RAB18: variants seen among roughly 807,000 people sequenced by gnomAD.
The protein encoded by RAB18 is ras-related protein Rab-18.
In RAB18, 10 loss-of-function variants were observed where a neutral mutation model predicts 28.5. The observed-to-expected ratio is 0.35, with a 90% confidence interval of 0.22 to 0.60. RAB18 has a LOEUF of 0.60. RAB18 is among the 20% of genes least tolerant of loss of function. The pLI is 0.78. For missense variants in RAB18, 188 were observed against 244.2 expected, an observed-to-expected ratio of 0.77 and a Z score of 1.53; for synonymous variants, 93 against 86.9, an observed-to-expected ratio of 1.07 and a Z score of -0.39.
intron 2 of RAB18, among the ~76,000 whole-genome samples, chr10:27,524,284 C>T (rs539927543): frequency 2.6e-5 from 4 of 152,172 alleles, no homozygotes; most frequent in Admixed American, 2.6e-4. Flanking sequence ...CTCATGTCTA[C>T]TTTTTGAACA....
intron 1 of RAB18, chr10:27,504,875 T>G (rs1010437840): frequency 4.2e-6 from 2 of 480,980 alleles, no homozygotes; most frequent in African/African-American, 2.0e-5. Context: ...CTGTGGGGCC[T>G]TCTCTAAATA....
rs770276006 is a variant in RAB18, at chr10:27,504,329, A to G, written c.-41A>G. The G allele has an allele frequency of 5.5e-5, 85 of 1,554,994 alleles. No homozygotes were observed. The highest frequency in any genetic ancestry group is 7.0e-5 in the Non-Finnish European group (81 of 1,149,552). ...ACTCTGCTGAAGGGCTGAGAGGCGC[A>G]CCCGGGCGGCCAGCTGGGCTCGGAG... On this transcript the variant is annotated 5_prime_UTR_variant, in exon 1 of 7. Transcript: ENST00000356940.
chr10:27,538,897 C>T lies in RAB18; in HGVS notation c.*846C>T, dbSNP rs745956111. 1 of 453,676 alleles carries T rather than the reference C, an allele frequency of 2.2e-6. No homozygotes were observed. The highest frequency in any genetic ancestry group is 2.4e-5 in the Admixed American group (1 of 42,542). 28.1% of individuals were successfully genotyped at this position (453,676 alleles called of 1,614,324 possible). A position where few individuals can be genotyped will look rare whatever the true frequency, so the allele number is the denominator to read the frequency against. ...ATGTTGGTAGTGTTTGTCCAGGTAC[C>T]TTAACTGTAGCTTGTGTAATGTTGA... On this transcript the variant is annotated 3_prime_UTR_variant, in exon 7 of 7. Coordinates refer to ENST00000356940, the MANE Select transcript of RAB18 (RefSeq NM_021252.5).
Position 27,541,293 on chromosome 10 carries a change from C to G in RAB18, c.*3242C>G, listed in dbSNP as rs1043824501. The G allele has an allele frequency of 2.2e-6, 1 of 453,708 alleles. No homozygotes were observed. The highest frequency in any genetic ancestry group is 1.6e-5 in the South Asian group (1 of 64,428). The allele number at this position is 453,708 out of a possible 1,614,324, so 28.1% of individuals were successfully genotyped here. A position where few individuals can be genotyped will look rare whatever the true frequency, so the allele number is the denominator to read the frequency against. ...AAAGACGAGAATAAATAGACATAGA[C>G]AGGCTAGCTAAGTCAAGACTAGGGG... On this transcript the variant is annotated 3_prime_UTR_variant, in exon 7 of 7. Coordinates refer to ENST00000356940, the MANE Select transcript of RAB18 (RefSeq NM_021252.5).
At chr10:27,505,690 G>T (rs1837810783) in intron 1 of RAB18, among the ~76,000 whole-genome samples, 1 of 152,144 alleles carries the variant, frequency 6.6e-6, no homozygotes, top group Admixed American at 6.5e-5. Context: ...CTCCCGAGTA[G>T]CTGGGACTAC....
In RAB18 at chr10:27,510,658, A is replaced by G. The variant is rs969524638; in HGVS notation, c.124+728A>G. Among the ~76,000 whole-genome samples, 18 of 152,226 alleles carry G rather than the reference A, an allele frequency of 1.2e-4. 1 individual carries two copies. Among genetic ancestry groups the G allele is most frequent in the African/African-American group, 3.9e-4 (16 of 41,444 alleles). On this transcript the variant is annotated intron_variant, in intron 2 of 6. Coordinates refer to ENST00000356940, the MANE Select transcript of RAB18 (RefSeq NM_021252.5). Reference sequence around the variant, plus strand: ...CTTGGTTGACTTTGCCTTGAATTACATGTAATCTTGATGAAGTCACTTAAC... The same window carrying G: ...CTTGGTTGACTTTGCCTTGAATTACGTGTAATCTTGATGAAGTCACTTAAC...
intron 2 of RAB18, among the ~76,000 whole-genome samples, chr10:27,511,894 T>G (rs1167220824): frequency 6.6e-6 from 1 of 152,212 alleles, no homozygotes; most frequent in Non-Finnish European, 1.5e-5. Flanking sequence ...AAATGGGGAT[T>G]TTTTTAAAAT....
Position 27,533,758 on chromosome 10 carries a change from A to G in RAB18, c.283A>G (p.Thr95Ala). 1 of 1,613,612 alleles carries G rather than the reference A, an allele frequency of 6.2e-7. No homozygotes were observed. Among genetic ancestry groups the G allele is most frequent in the Non-Finnish European group, 8.5e-7 (1 of 1,179,706 alleles). ...AGTTTATGATGTCACAAGAAGAGAT[A>G]CATTTGTTAAACTGGATAATTGGTT... ...ILVYDVTRRD[T>A]FVKLDNWLNE... The change falls in exon 5 of 7, where the codon ACA becomes GCA. Residue 95 changes from threonine (T) to alanine (A), a missense_variant. Transcript: ENST00000356940.
At position 27,537,950 on chromosome 10, in the gene RAB18, G is replaced by A. The variant is rs1274475792; in HGVS notation, c.520G>A (p.Gly174Arg). 1.2e-6 allele frequency: 2 copies of A among 1,614,042 alleles called. No individual in the cohort carries two copies. Among genetic ancestry groups the A allele is most frequent in the South Asian group, 2.2e-5 (2 of 91,066 alleles). ...ELVEKIIQTP[G>R]LWESENQNKG... ...TGTTGAAAAGATCATTCAGACCCCT[G>A]GACTGTGGGAAAGTGAGAACCAGAA... The change falls in exon 7 of 7, where the codon GGA (glycine) becomes AGA (arginine). Residue 174 changes from glycine to arginine, a missense_variant. By Grantham distance (125) the Gly-to-Arg change is moderately radical. Coordinates refer to ENST00000356940, the MANE Select transcript of RAB18 (RefSeq NM_021252.5).
chr10:27,518,561 A>G (rs1206319506), intron 2 of RAB18, among the ~76,000 whole-genome samples: 1 of 152,106 alleles, frequency 6.6e-6, no homozygotes, highest in Non-Finnish European at 1.5e-5. Flanking sequence ...GGCTGTATAT[A>G]TGTATTTTTT....
intron 2 of RAB18, among the ~76,000 whole-genome samples, chr10:27,523,836 T>C (rs1589576417): frequency 6.6e-6 from 1 of 152,040 alleles, no homozygotes; most frequent in Admixed American, 6.6e-5. Flanking sequence ...TCGCAGCACT[T>C]TGGGAGGCCG....
In RAB18 at chr10:27,539,497, G is replaced by A. The variant is rs1268394204; in HGVS notation, c.*1446G>A. On this transcript the variant is annotated 3_prime_UTR_variant, in exon 7 of 7. Coordinates refer to ENST00000356940, the MANE Select transcript of RAB18 (RefSeq NM_021252.5). Reference sequence around the variant, plus strand: ...CACTTCCTAGTCTACATTACATGTGGTTGAAGGTTTTATACATTCTATATG... The same window carrying A: ...CACTTCCTAGTCTACATTACATGTGATTGAAGGTTTTATACATTCTATATG... 1 of 343,726 alleles carries A rather than the reference G, an allele frequency of 2.9e-6. No homozygotes were observed. The highest frequency in any genetic ancestry group is 2.4e-5 in the South Asian group (1 of 41,244). The allele number at this position is 343,726 out of a possible 1,614,324, so 21.3% of individuals were successfully genotyped here.
chr10:27,504,944 G>T (rs559178766), intron 1 of RAB18: 7 of 531,252 alleles, frequency 1.3e-5, no homozygotes, highest in South Asian at 7.0e-5. Flanking sequence ...CTGTTTGGGC[G>T]CAGCTTAATG....
At chr10:27,524,349 A>G (rs770838244) in intron 2 of RAB18, among the ~76,000 whole-genome samples, 2 of 152,022 alleles carry the variant, frequency 1.3e-5, no homozygotes, top group Non-Finnish European at 2.9e-5. Context: ...CTATTGATTG[A>G]TTTTTCTCCT....
At chr10:27,525,252 A>G (rs1834648434) in intron 2 of RAB18, among the ~76,000 whole-genome samples, 1 of 152,174 alleles carries the variant, frequency 6.6e-6, no homozygotes, top group Non-Finnish European at 1.5e-5. Flanking sequence ...ATCTGGGATT[A>G]TTAAGGAAAA....
intron 6 of RAB18, among the ~76,000 whole-genome samples, chr10:27,536,779 T>G (rs1834908827): frequency 6.6e-6 from 1 of 152,180 alleles, no homozygotes; most frequent in Non-Finnish European, 1.5e-5. Flanking sequence ...GATATTGGAT[T>G]TGACAAGATA....
chr10:27,534,583 G>A (rs921651653), intron 6 of RAB18, among the ~76,000 whole-genome samples: 4 of 152,156 alleles, frequency 2.6e-5, no homozygotes, highest in African/African-American at 7.2e-5. Context: ...TACGGCCCAC[G>A]AAGCCTAAAT....
chr10:27,514,204 C>CA (rs1448829620), intron 2 of RAB18: 2 of 152,034 alleles, frequency 1.3e-5, no homozygotes, highest in Non-Finnish European at 2.9e-5. Context: ...TTGACTGCCA[C>CA]AAATGTTTGG....
chr10:27,524,370 A>T (rs984528589), intron 2 of RAB18, among the ~76,000 whole-genome samples: 59 of 152,318 alleles, frequency 3.9e-4, no homozygotes, highest in African/African-American at 1.4e-3. Flanking sequence ...CTTCAACAAG[A>T]TGTGTGCTTC....
Sources: gnomAD v4.1 joint callset for allele counts (sites outside exome capture counted in the v4.1 genomes callset) on GRCh38, gnomAD v4.1.1 for gene constraint, MANE v1.5 for transcripts, NCBI Gene and HGNC (gene_info 2026-07-23, HGNC 2026-07-21) for gene names.